The following NUP58 variants were observed in gnomAD, a reference collection of about 807,000 sequenced individuals.
NUP58 encodes the protein nucleoporin 58.
A neutral mutation model predicts 70.1 loss-of-function variants in NUP58; 17 were observed. That is an observed-to-expected ratio of 0.24 (90% CI 0.17 to 0.36). The LOEUF (loss-of-function observed/expected upper bound fraction) is 0.36, where lower values mean the gene tolerates loss of function less well. Among genes scored for constraint, NUP58 ranks in the 10% least tolerant of loss-of-function variants. The pLI is 1.00. For synonymous variants in NUP58, 275 were observed against 257.6 expected (o/e 1.07, Z -0.65); for missense variants, 644 against 701.5 (o/e 0.92, Z 0.93).
downstream of NUP58, among the ~76,000 whole-genome samples, chr13:25,345,449 A>G (rs994179567): frequency 3.3e-5 from 5 of 152,270 alleles, no homozygotes; most frequent in East Asian, 7.7e-4. Flanking sequence ...AGGGAATACT[A>G]TCTGTGGTGT....
intron 1 of NUP58, among the ~76,000 whole-genome samples, chr13:25,306,104 A>G (rs1163056802): frequency 2.6e-5 from 4 of 152,024 alleles, no homozygotes; most frequent in African/African-American, 9.7e-5. Context: ...GAACCCTTAT[A>G]TTTAAAAAAA....
At chr13:25,343,413 C>T (rs560824177), downstream of NUP58, among the ~76,000 whole-genome samples, 26 of 151,430 alleles carry the variant, frequency 1.7e-4, no homozygotes, top group Middle Eastern at 6.9e-3. Context: ...AGTTTCTTCT[C>T]AGAGTAATAG....
intron 13 of NUP58, chr13:25,335,871 G>A: frequency 9.4e-7 from 1 of 1,062,778 alleles, no homozygotes; most frequent in Non-Finnish European, 1.1e-6. Flanking sequence ...CACTGTGCTT[G>A]AAAAAGACAA....
chr13:25,303,380 C>T (rs534797809), intron 1 of NUP58, among the ~76,000 whole-genome samples: 1 of 145,492 alleles, frequency 6.9e-6, no homozygotes, highest in Admixed American at 6.7e-5. Flanking sequence ...CCCTAAATAA[C>T]TGAAATGAAG....
chr13:25,331,724 A>G (rs1446784495), intron 13 of NUP58, 166 bp downstream of exon 13: 2 of 1,431,528 alleles, frequency 1.4e-6, no homozygotes, highest in Non-Finnish European at 1.8e-6. Flanking sequence ...ACCTGATAAA[A>G]AAGGCAGGGT....
chr13:25,344,198 T>A (rs2032021979), downstream of NUP58, among the ~76,000 whole-genome samples: 1 of 152,182 alleles, frequency 6.6e-6, no homozygotes. Flanking sequence ...TTTTTCTTAA[T>A]GATTTGTAGG....
chr13:25,322,486 A>G (rs944384418), intron 9 of NUP58, among the ~76,000 whole-genome samples: 2 of 152,320 alleles, frequency 1.3e-5, no homozygotes, highest in African/African-American at 2.4e-5. Context: ...GCAAAATCCA[A>G]AACTTTTTGA....
chr13:25,330,433 A>C (rs1378848419), intron 12 of NUP58, among the ~76,000 whole-genome samples: 6 of 152,202 alleles, frequency 3.9e-5, no homozygotes, highest in Non-Finnish European at 7.3e-5. Flanking sequence ...GCTTTTAAAT[A>C]CTATAAACAA....
chr13:25,340,069 G>A lies in NUP58; in HGVS notation c.1735G>A (p.Gly579Arg). ...GTCCAATCCTGCCTCTGCAGGTTTT[G>A]GAACAGGAGGACAACTCCTTCAGTT... is the stretch of plus-strand genomic sequence containing the variant. ...GVSNPASAGF[G>R]TGGQLLQLKK... Residue 579 changes from glycine (G) to arginine (R), a missense_variant, in exon 16 of 16, where the codon GGA becomes AGA. By Grantham distance (125) the Gly-to-Arg change is moderately radical (BLOSUM62 -2). This residue lies in a region of NUP58 where 132 missense variants were observed against 203.9 expected (regional missense o/e 0.65). Coordinates refer to ENST00000381736, the MANE Select transcript of NUP58 (RefSeq NM_014089.4). 1 of 1,613,794 alleles carries A rather than the reference G, an allele frequency of 6.2e-7. No homozygotes were observed. The highest frequency in any genetic ancestry group is 1.1e-5 in the South Asian group (1 of 91,010).
intron 12 of NUP58, among the ~76,000 whole-genome samples, chr13:25,330,715 A>C (rs763552248): frequency 2.1e-4 from 32 of 152,286 alleles, no homozygotes; most frequent in South Asian, 8.3e-4. Flanking sequence ...CTGGAGTTAC[A>C]AACACTTTTT....
At chr13:25,303,094 T>G in intron 1 of NUP58, 1 of 456,446 alleles carries the variant, frequency 2.2e-6, no homozygotes, top group Non-Finnish European at 4.4e-6. Context: ...CTGTCTTTCT[T>G]GTTTTAGATG....
At chr13:25,332,531 TAC>T in intron 13 of NUP58, 1 of 899,898 alleles carries the variant, frequency 1.1e-6, no homozygotes. Flanking sequence ...TACATTATAA[TAC>T]ACACAAAAAA....
intron 12 of NUP58, among the ~76,000 whole-genome samples, chr13:25,330,531 CTG>C (rs1404735176): frequency 2.6e-5 from 4 of 152,134 alleles, no homozygotes; most frequent in Non-Finnish European, 5.9e-5. Flanking sequence ...TATGAAAAAT[CTG>C]TGTCTCTTCA....
At chr13:25,302,947 T>C (rs1217672019) in intron 1 of NUP58, 5 of 456,618 alleles carry the variant, frequency 1.1e-5, no homozygotes, top group Non-Finnish European at 2.2e-5. Context: ...CTGCTTAGGC[T>C]ATTGTCATTC....
intron 9 of NUP58, among the ~76,000 whole-genome samples, chr13:25,321,698 C>A (rs1290277870): frequency 1.3e-5 from 2 of 152,186 alleles, no homozygotes; most frequent in African/African-American, 4.8e-5. Context: ...AGGTAAATCA[C>A]TTGATGTCAG....
intron 6 of NUP58, among the ~76,000 whole-genome samples, chr13:25,318,001 C>T (rs1392589138): frequency 2.0e-5 from 3 of 151,650 alleles, no homozygotes; most frequent in African/African-American, 4.8e-5. Context: ...GTAGCTGGGA[C>T]CACAAGTACG....
intron 11 of NUP58, among the ~76,000 whole-genome samples, 169 bp downstream of exon 11, chr13:25,327,203 A>G (rs533177027): frequency 1.3e-5 from 2 of 152,174 alleles, no homozygotes; most frequent in Non-Finnish European, 2.9e-5. Flanking sequence ...TTATTATATG[A>G]ATTGTTACTG....
At chr13:25,318,441 T>G (rs1593185264) in intron 6 of NUP58, among the ~76,000 whole-genome samples, 1 of 152,218 alleles carries the variant, frequency 6.6e-6, no homozygotes, top group East Asian at 1.9e-4. Flanking sequence ...GTGCTTATTT[T>G]TTCACATTTT....
rs189969221 is a variant in NUP58 at position 25,310,053 on chromosome 13, T to C, written c.286+771T>C. On this transcript the variant is annotated intron_variant, in intron 3 of 15. Transcript: ENST00000381736. ...TCTTGTTTTCTTTTTTGCTTTTTTT[T>C]CCCCTATCAGACAGGTTCTTCCTCT... 1.7e-3 allele frequency: 665 copies of C among 397,254 alleles called. 8 individuals carry two copies. The highest frequency in any genetic ancestry group is 0.013 in the African/African-American group (599 of 46,984). The allele number at this position is 397,254 out of a possible 1,614,324, so 24.6% of individuals were successfully genotyped here.
Sources: allele counts gnomAD v4.1 joint callset (sites outside exome capture counted in the v4.1 genomes callset), GRCh38; gene constraint gnomAD v4.1.1; regional missense constraint gnomAD v4.1.1; transcripts MANE v1.5; gene names NCBI Gene and HGNC (gene_info 2026-07-23, HGNC 2026-07-21).